The following AGBL2 variants were observed in gnomAD, a reference collection of about 807,000 sequenced individuals.
AGBL2 encodes the protein AGBL carboxypeptidase 2, also known as cytosolic carboxypeptidase 2.
AGBL2 carries 87 observed loss-of-function variants against 103.0 expected under a neutral mutation model. That is an observed-to-expected ratio of 0.84 (90% CI 0.71 to 1.01). The LOEUF is 1.01. Ranked by LOEUF, AGBL2 falls within the 50% of genes least tolerant of loss-of-function variation. The probability of loss-of-function intolerance (pLI) is 0.00; values close to 1 mark genes in which losing one functional copy is unlikely to be tolerated. For missense variants in AGBL2, 904 were observed against 1,023.5 expected, an observed-to-expected ratio of 0.88 and a Z score of 1.59; for synonymous variants, 335 against 356.7, an observed-to-expected ratio of 0.94 and a Z score of 0.69.
intron 17 of AGBL2, among the ~76,000 whole-genome samples, chr11:47,664,637 T>A (rs1406196847): frequency 6.6e-6 from 1 of 151,666 alleles, no homozygotes; most frequent in African/African-American, 2.4e-5. Flanking sequence ...GGTCTCAATC[T>A]CCTGACCTCG....
intron 18 of AGBL2, 113 bp from the exon 19 acceptor site, chr11:47,660,459 T>C: frequency 1.1e-6 from 1 of 933,744 alleles, no homozygotes; most frequent in Non-Finnish European, 1.6e-6. Flanking sequence ...TTTGCATTTC[T>C]TCCCCAAATA....
intron 18 of AGBL2, among the ~76,000 whole-genome samples, chr11:47,662,053 C>T (rs1185868187): frequency 6.6e-6 from 1 of 151,950 alleles, no homozygotes; most frequent in Admixed American, 6.6e-5. Flanking sequence ...CTGGCCTCAC[C>T]ACCTCTTTTT....
intron 17 of AGBL2, among the ~76,000 whole-genome samples, chr11:47,664,585 G>A (rs967846486): frequency 1.3e-5 from 2 of 151,714 alleles, no homozygotes; most frequent in African/African-American, 4.8e-5. Flanking sequence ...CTAATTTTTT[G>A]TATTTTTAGT....
intron 14 of AGBL2, among the ~76,000 whole-genome samples, chr11:47,670,790 T>G (rs1464636095): frequency 6.6e-6 from 1 of 151,860 alleles, no homozygotes; most frequent in Non-Finnish European, 1.5e-5. Flanking sequence ...GCCCAGGAGT[T>G]TGAGACCAGC....
At chr11:47,683,449 T>C (rs967093153) in intron 11 of AGBL2, among the ~76,000 whole-genome samples, 1 of 151,936 alleles carries the variant, frequency 6.6e-6, no homozygotes, top group East Asian at 1.9e-4. Context: ...ATACAAAATA[T>C]TTTTATCATA....
Position 47,678,050 on chromosome 11 carries a change from G to A in AGBL2, c.2017-649C>T, listed in dbSNP as rs1007768941. 2.6e-5 allele frequency among the ~76,000 whole-genome samples: 4 copies of A among 151,468 alleles called. No homozygotes were observed. The South Asian group carries it at 6.3e-4, about 24-fold the overall frequency. On this transcript the variant is annotated intron_variant, in intron 13 of 18. Transcript: ENST00000525123. ...GTGATCTTGGCTCACTGCAACCTCC[G>A]CCCCCTGGGTTCAAGCCATTCTCCT...
chr11:47,668,273 C>A (rs1396252343), intron 15 of AGBL2, among the ~76,000 whole-genome samples: 1 of 148,068 alleles, frequency 6.8e-6, no homozygotes, highest in Admixed American at 6.9e-5. Context: ...CTTTGGGAGG[C>A]CAAGGCGGGC....
intron 4 of AGBL2, among the ~76,000 whole-genome samples, chr11:47,708,879 T>C (rs1247583877): frequency 1.3e-5 from 2 of 151,832 alleles, no homozygotes; most frequent in African/African-American, 4.8e-5. Context: ...CCCAGCACTT[T>C]GGGAGGCTGA....
intron 8 of AGBL2, among the ~76,000 whole-genome samples, chr11:47,698,772 A>G (rs1050459324): frequency 2.0e-5 from 3 of 152,050 alleles, no homozygotes; most frequent in African/African-American, 7.2e-5. Flanking sequence ...CAATTTCCAC[A>G]TATTTATGGA....
At chr11:47,692,561 A>G (rs980323345) in intron 8 of AGBL2, among the ~76,000 whole-genome samples, 2 of 150,960 alleles carry the variant, frequency 1.3e-5, no homozygotes, top group Non-Finnish European at 3.0e-5. Flanking sequence ...ACAGGCGCCC[A>G]CCACCACGCC....
At chr11:47,662,905 C>T (rs932073842) in intron 18 of AGBL2, 121 bp downstream of exon 18, 11 of 842,108 alleles carry the variant, frequency 1.3e-5, no homozygotes, top group Admixed American at 2.5e-5. Flanking sequence ...CTGCGCAGAA[C>T]GAATCCGAGA....
chr11:47,688,650 T>C (rs1169375282), intron 10 of AGBL2, among the ~76,000 whole-genome samples: 1 of 152,166 alleles, frequency 6.6e-6, no homozygotes, highest in Admixed American at 6.6e-5. Flanking sequence ...AGGTATTATT[T>C]TTCCACTCTA....
At chr11:47,675,636 G>A (rs2097372400) in intron 14 of AGBL2, among the ~76,000 whole-genome samples, 1 of 152,008 alleles carries the variant, frequency 6.6e-6, no homozygotes, top group Non-Finnish European at 1.5e-5. Flanking sequence ...TGATCCGCCT[G>A]CCTTGGCCTC....
intron 8 of AGBL2, among the ~76,000 whole-genome samples, chr11:47,696,010 C>CAAAAAAA (rs1171058500): frequency 5.8e-4 from 10 of 17,218 alleles, no homozygotes; most frequent in East Asian, 4.0e-3. Context: ...ACTAAAAATA[C>CAAAAAAA]AAAAAAAAAA....
chr11:47,689,625 C>T (rs780222092), intron 10 of AGBL2, among the ~76,000 whole-genome samples: 10 of 152,200 alleles, frequency 6.6e-5, no homozygotes, highest in Non-Finnish European at 1.5e-4. Flanking sequence ...ATTTCTGTAT[C>T]ATACAACATG....
intron 11 of AGBL2, 75 bp from the exon 12 acceptor site, chr11:47,682,170 C>T: frequency 7.1e-7 from 1 of 1,416,310 alleles, no homozygotes; most frequent in Non-Finnish European, 9.7e-7. Context: ...TAATATGATA[C>T]AAGAATAATT....
At chr11:47,679,832 G>C in intron 13 of AGBL2, 141 bp downstream of exon 13, 1 of 490,252 alleles carries the variant, frequency 2.0e-6, no homozygotes, top group Non-Finnish European at 3.7e-6. Context: ...AGTAGAGAGA[G>C]GGTTTTGCCA....
At chr11:47,709,042 A>C (rs1186696038) in intron 4 of AGBL2, among the ~76,000 whole-genome samples, 1 of 152,132 alleles carries the variant, frequency 6.6e-6, no homozygotes, top group African/African-American at 2.4e-5. Flanking sequence ...GAATAGCTTG[A>C]ACCCGGGAGG....
chr11:47,707,211 C>T (rs2097523745), intron 4 of AGBL2, among the ~76,000 whole-genome samples: 1 of 151,896 alleles, frequency 6.6e-6, no homozygotes, highest in African/African-American at 2.4e-5. Context: ...AACTTTTGGG[C>T]TGGTGTAAGC....
Sources: allele counts gnomAD v4.1 joint callset (sites outside exome capture counted in the v4.1 genomes callset), GRCh38; gene constraint gnomAD v4.1.1; transcripts MANE v1.5; gene names NCBI Gene and HGNC (gene_info 2026-07-23, HGNC 2026-07-21).